Variants in AOPEP observed in about 807,000 individuals in gnomAD.
AOPEP encodes aminopeptidase O.
AOPEP carries 77 observed loss-of-function variants against 98.1 expected under a neutral mutation model. That is an observed-to-expected ratio of 0.78 (90% CI 0.65 to 0.95). AOPEP has a LOEUF of 0.95. Ranked by LOEUF, AOPEP falls within the 40% of genes least tolerant of loss-of-function variation. The pLI is 0.00. For synonymous variants in AOPEP, 346 were observed against 365.3 expected (o/e 0.95, Z 0.60); for missense variants, 1,024 against 1,024.7 (o/e 1.00, Z 0.01).
At chr9:94,975,978 A>C (rs1016009046) in intron 10 of AOPEP, among the ~76,000 whole-genome samples, 8 of 151,966 alleles carry the variant, frequency 5.3e-5, no homozygotes, top group Non-Finnish European at 1.2e-4. Flanking sequence ...TTCCATTTCT[A>C]TTGGCTTTGC....
At chr9:94,791,653 C>G (rs1393178412) in intron 3 of AOPEP, among the ~76,000 whole-genome samples, 1 of 152,072 alleles carries the variant, frequency 6.6e-6, no homozygotes, top group Non-Finnish European at 1.5e-5. Context: ...CCACTGCATT[C>G]CAACCTGGGC....
chr9:94,987,711 G>A (rs185257875), intron 11 of AOPEP, among the ~76,000 whole-genome samples: 77 of 152,324 alleles, frequency 5.1e-4, no homozygotes, highest in African/African-American at 1.8e-3. Context: ...AACGCATTTT[G>A]ATTGTGATTT....
chr9:95,013,347 A>G (rs1460865441), intron 13 of AOPEP, among the ~76,000 whole-genome samples: 3 of 148,568 alleles, frequency 2.0e-5, no homozygotes, highest in Non-Finnish European at 4.4e-5. Flanking sequence ...TAAATCAGTC[A>G]TTTACCTTTT....
At chr9:95,082,966 C>T (rs767445329) in intron 16 of AOPEP, 1 of 502,002 alleles carries the variant, frequency 2.0e-6, no homozygotes, top group Non-Finnish European at 3.6e-6. Context: ...CCTGGAGGCA[C>T]AGCGGCACTC....
intron 13 of AOPEP, among the ~76,000 whole-genome samples, chr9:95,026,374 G>T (rs1241923093): frequency 1.3e-5 from 2 of 152,090 alleles, no homozygotes; most frequent in East Asian, 3.8e-4. Context: ...CTCATCCCTA[G>T]GCAACCTGTA....
chr9:95,006,155 C>G (rs768224723), intron 13 of AOPEP: 2 of 463,014 alleles, frequency 4.3e-6, no homozygotes, highest in South Asian at 3.2e-5. Flanking sequence ...GAAGTTTGGA[C>G]TGCCTGTCTT....
intron 5 of AOPEP, among the ~76,000 whole-genome samples, chr9:94,816,351 T>C (rs1012964570): frequency 9.9e-5 from 15 of 152,250 alleles, no homozygotes; most frequent in Non-Finnish European, 1.9e-4. Context: ...CGAGGTAATA[T>C]GAATAACTCA....
At chr9:94,739,472 C>T (rs1485219431) in intron 1 of AOPEP, among the ~76,000 whole-genome samples, 2 of 151,986 alleles carry the variant, frequency 1.3e-5, no homozygotes, top group East Asian at 3.9e-4. Context: ...TGGTGAAACC[C>T]TGTCTCTACT....
chr9:94,760,188 G>T lies in AOPEP; in HGVS notation c.405G>T (p.Gly135=), dbSNP rs773711661. Residue 135 remains glycine (G), a synonymous_variant, in exon 2 of 17, where the codon GGG becomes GGT. Coordinates refer to ENST00000375315, the MANE Select transcript of AOPEP (RefSeq NM_001193329.3). ...GCTCAAAGTACTGCTGTGACACAGG[G>T]AATCATGGGAGTGAGGATTTTTTGC... ...ISSSKYCCDT[G]NHGSEDFLLV... The T allele has an allele frequency of 1.2e-6, 2 of 1,614,198 alleles. No individual in the cohort carries two copies. The highest frequency in any genetic ancestry group is 1.7e-5 in the Admixed American group (1 of 60,024).
At chr9:94,730,053 G>T (rs1028325609) in intron 1 of AOPEP, among the ~76,000 whole-genome samples, 2 of 152,166 alleles carry the variant, frequency 1.3e-5, no homozygotes, top group Non-Finnish European at 2.9e-5. Flanking sequence ...GGAAGGCCGA[G>T]GTGGGTAGAT....
the AOPEP span, among the ~76,000 whole-genome samples, chr9:95,104,906 C>T: frequency 6.6e-6 from 1 of 152,116 alleles, no homozygotes; most frequent in Non-Finnish European, 1.5e-5. Context: ...TCTGTGAGTT[C>T]GACTTTTTAG....
intron 3 of AOPEP, among the ~76,000 whole-genome samples, chr9:94,777,259 A>C (rs921533048): frequency 4.6e-5 from 7 of 151,944 alleles, no homozygotes; most frequent in Admixed American, 2.0e-4. Context: ...GGTGAAACCC[A>C]GTCTCTACTA....
intron 5 of AOPEP, among the ~76,000 whole-genome samples, chr9:94,923,265 G>T (rs1273502016): frequency 6.6e-6 from 1 of 152,156 alleles, no homozygotes; most frequent in Non-Finnish European, 1.5e-5. Context: ...AATGAGATTA[G>T]ATAAATCTCC....
the AOPEP span, chr9:95,117,368 T>C: frequency 6.8e-6 from 11 of 1,614,028 alleles, no homozygotes; most frequent in South Asian, 9.9e-5. Flanking sequence ...GTAAGGAAAG[T>C]AGGTCTTGAG....
chr9:94,764,517 A>C (rs1043223477), intron 2 of AOPEP, among the ~76,000 whole-genome samples: 1 of 152,082 alleles, frequency 6.6e-6, no homozygotes, highest in African/African-American at 2.4e-5. Flanking sequence ...GCATGGTGGC[A>C]GGCACCTGTA....
At chr9:94,761,965 C>T (rs1838405762) in intron 2 of AOPEP, among the ~76,000 whole-genome samples, 1 of 152,036 alleles carries the variant, frequency 6.6e-6, no homozygotes, top group Non-Finnish European at 1.5e-5. Flanking sequence ...TTTTTATACT[C>T]CTAGATATTT....
chr9:94,759,261 A>G (rs572579301), intron 1 of AOPEP, among the ~76,000 whole-genome samples: 54 of 152,354 alleles, frequency 3.5e-4, no homozygotes, highest in Middle Eastern at 6.8e-3. Context: ...ACTTGGAATC[A>G]CAGTGGAAAA....
intron 1 of AOPEP, among the ~76,000 whole-genome samples, chr9:94,739,743 G>C (rs950657445): frequency 6.6e-6 from 1 of 152,066 alleles, no homozygotes; most frequent in Non-Finnish European, 1.5e-5. Context: ...CAGACCAGGC[G>C]TCTCTCCTTG....
chr9:95,002,726 C>T (rs946629730), intron 11 of AOPEP, among the ~76,000 whole-genome samples: 13 of 152,148 alleles, frequency 8.5e-5, no homozygotes, highest in African/African-American at 3.1e-4. Context: ...AAAAGCGCTG[C>T]TTAAACCCAG....
Sources: allele counts gnomAD v4.1 joint callset (sites outside exome capture counted in the v4.1 genomes callset), GRCh38; gene constraint gnomAD v4.1.1; transcripts MANE v1.5; gene names NCBI Gene and HGNC (gene_info 2026-07-23, HGNC 2026-07-21).